CCDC149: variants seen among roughly 807,000 people sequenced by gnomAD.
CCDC149 encodes coiled-coil domain containing 149.
CCDC149 carries 45 observed loss-of-function variants against 59.9 expected under a neutral mutation model. The observed-to-expected ratio is 0.75, with a 90% CI of 0.59 to 0.96. The LOEUF is 0.96. Among genes scored for constraint, CCDC149 ranks in the 40% least tolerant of loss-of-function variants. CCDC149 has a pLI of 0.00. For synonymous variants in CCDC149, 245 were observed against 260.6 expected, an observed-to-expected ratio of 0.94 and a Z score of 0.58; for missense variants, 584 against 664.7, an observed-to-expected ratio of 0.88 and a Z score of 1.33.
At chr4:24,839,202 C>T (rs1413019637) in intron 4 of CCDC149, among the ~76,000 whole-genome samples, 8 of 149,492 alleles carry the variant, frequency 5.4e-5, no homozygotes, top group Admixed American at 6.7e-5. Flanking sequence ...TTTTTTGAGA[C>T]GGAGTCTCGC....
chr4:24,871,467 C>T (rs1019424143), intron 3 of CCDC149, among the ~76,000 whole-genome samples: 3 of 152,276 alleles, frequency 2.0e-5, no homozygotes, highest in South Asian at 2.1e-4. Flanking sequence ...TTCCCTATAA[C>T]GGGAAACACA....
intron 1 of CCDC149, among the ~76,000 whole-genome samples, chr4:24,908,945 G>A (rs1005892344): frequency 2.0e-5 from 3 of 152,224 alleles, no homozygotes; most frequent in Non-Finnish European, 2.9e-5. Flanking sequence ...CTGCATACCT[G>A]TACTTTGAGA....
chr4:24,808,437 G>T lies in CCDC149; in HGVS notation c.1575C>A (p.Gly525=), dbSNP rs947729759. 13 of 1,460,940 alleles carry T rather than the reference G, an allele frequency of 8.9e-6. No homozygotes were observed. Among genetic ancestry groups the T allele is most frequent in the South Asian group, 1.5e-5 (1 of 67,896 alleles). 90.5% of individuals were successfully genotyped at this position (1,460,940 alleles called of 1,614,324 possible). A position where few individuals can be genotyped will look rare whatever the true frequency, so the allele number is the denominator to read the frequency against. The change falls in exon 13 of 13, where the codon GGC becomes GGA. Residue 525 remains glycine, a synonymous_variant. Coordinates refer to ENST00000635206, the MANE Select transcript of CCDC149 (RefSeq NM_001330643.2). The stretch of plus-strand genomic sequence containing the variant: ...TGCCTCCGCCCTCTGGGATCCCTTT[G>T]CCGTCTTCCGGTGTGGAAGCTTTGG...
chr4:24,856,670 A>T (rs761876293), intron 3 of CCDC149, among the ~76,000 whole-genome samples: 3 of 152,230 alleles, frequency 2.0e-5, no homozygotes, highest in Non-Finnish European at 4.4e-5. Context: ...CACAAGGACT[A>T]CAGCGAAGTC....
rs188178352 is a variant in CCDC149 at position 24,929,787 on chromosome 4, T to A, written c.-64-34669A>T. On this transcript the variant is annotated intron_variant, in intron 1 of 12. Transcript: ENST00000389609. ...CCTGAAAAGTCTTATCTGAGCCTCTTTGGGAGCTCTTGTCATTTTCTGCTT... is the reference window on the plus strand; with the variant it reads ...CCTGAAAAGTCTTATCTGAGCCTCTATGGGAGCTCTTGTCATTTTCTGCTT... 6.6e-5 allele frequency among the ~76,000 whole-genome samples: 10 copies of A among 152,278 alleles called. No homozygotes were observed. The East Asian group carries it at 1.9e-3, about 29-fold the overall frequency.
chr4:24,852,984 C>T, intron 4 of CCDC149, 88 bp downstream of exon 4: 1 of 823,784 alleles, frequency 1.2e-6, no homozygotes. Context: ...TCAACAAATG[C>T]TGCATTACAT....
At chr4:24,842,377 C>T (rs962612048) in intron 4 of CCDC149, among the ~76,000 whole-genome samples, 1 of 152,142 alleles carries the variant, frequency 6.6e-6, no homozygotes, top group African/African-American at 2.4e-5. Flanking sequence ...CCGAGCCAAC[C>T]TTATCTATGT....
At chr4:24,908,370 G>A (rs933382440) in intron 1 of CCDC149, among the ~76,000 whole-genome samples, 1 of 152,036 alleles carries the variant, frequency 6.6e-6, no homozygotes, top group Non-Finnish European at 1.5e-5. Context: ...CCACAGAGCT[G>A]GACTCTATAC....
At chr4:24,979,945 G>A (rs1724400511) in intron 1 of CCDC149, 2 of 151,976 alleles carry the variant, frequency 1.3e-5, no homozygotes, top group Admixed American at 6.6e-5. Flanking sequence ...TGATGCACAG[G>A]GAATTCTCAC....
chr4:24,863,063 C>G (rs7673103), intron 3 of CCDC149, among the ~76,000 whole-genome samples: 2 of 152,098 alleles, frequency 1.3e-5, no homozygotes, highest in African/African-American at 2.4e-5. Context: ...GGGGCTGAGG[C>G]GGGAGGATCA....
intron 1 of CCDC149, among the ~76,000 whole-genome samples, chr4:24,900,344 T>C (rs1204678123): frequency 3.3e-5 from 5 of 152,206 alleles, no homozygotes; most frequent in African/African-American, 9.6e-5. Context: ...GGTGGCTCTC[T>C]CCTGACATCA....
chr4:24,815,912 G>A (rs942947041), intron 12 of CCDC149, among the ~76,000 whole-genome samples: 1 of 152,204 alleles, frequency 6.6e-6, no homozygotes, highest in Admixed American at 6.5e-5. Flanking sequence ...GCCACGATAA[G>A]AGGAATGAAC....
chr4:24,964,985 A>G (rs985936995), intron 1 of CCDC149, among the ~76,000 whole-genome samples: 1 of 151,284 alleles, frequency 6.6e-6, no homozygotes, highest in African/African-American at 2.5e-5. Context: ...TTAAGGAATA[A>G]AGGAAAAATT....
At chr4:24,977,594 G>A (rs1724260914) in intron 1 of CCDC149, among the ~76,000 whole-genome samples, 1 of 152,022 alleles carries the variant, frequency 6.6e-6, no homozygotes, top group African/African-American at 2.4e-5. Context: ...TGATGTCGTG[G>A]ACCCAAATGA....
intron 1 of CCDC149, among the ~76,000 whole-genome samples, chr4:24,975,723 A>T (rs1724159272): frequency 6.6e-6 from 1 of 152,052 alleles, no homozygotes; most frequent in Admixed American, 6.6e-5. Flanking sequence ...GAAAGTAAAC[A>T]CAGTGTCAAG....
At chr4:24,825,457 G>A (rs1715665723) in intron 9 of CCDC149, among the ~76,000 whole-genome samples, 2 of 152,114 alleles carry the variant, frequency 1.3e-5, no homozygotes, top group African/African-American at 4.8e-5. Flanking sequence ...CTGGCGAGCA[G>A]AGGGGCCAGG....
upstream of CCDC149, among the ~76,000 whole-genome samples, chr4:24,913,306 C>G (rs1451921932): frequency 1.3e-5 from 2 of 152,154 alleles, no homozygotes; most frequent in African/African-American, 4.8e-5. Flanking sequence ...CAGTCCTTCT[C>G]CGACCACCAT....
At chr4:24,961,617 G>C (rs1364733381) in intron 1 of CCDC149, among the ~76,000 whole-genome samples, 3 of 152,132 alleles carry the variant, frequency 2.0e-5, no homozygotes, top group Admixed American at 2.0e-4. Context: ...CAGAGATACA[G>C]ACCAATGGAA....
intron 3 of CCDC149, among the ~76,000 whole-genome samples, chr4:24,860,106 A>G (rs115668064): frequency 2.0e-5 from 3 of 152,302 alleles, no homozygotes; most frequent in African/African-American, 7.2e-5. Context: ...TAACATTCAT[A>G]TGGAACCAAA....
Sources: allele counts gnomAD v4.1 joint callset (sites outside exome capture counted in the v4.1 genomes callset), GRCh38; gene constraint gnomAD v4.1.1; transcripts MANE v1.5; gene names NCBI Gene and HGNC (gene_info 2026-07-23, HGNC 2026-07-21).